Variants in PTPRD observed in about 807,000 individuals in gnomAD.
PTPRD encodes protein tyrosine phosphatase receptor type D.
A neutral mutation model predicts 214.5 loss-of-function variants in PTPRD; 34 were observed. The observed-to-expected ratio is 0.16, with a 90% CI of 0.12 to 0.21. The LOEUF is 0.21. Among genes scored for constraint, PTPRD ranks in the 10% least tolerant of loss-of-function variants. The probability of loss-of-function intolerance (pLI) is 1.00; values close to 1 mark genes in which losing one functional copy is unlikely to be tolerated. For synonymous variants in PTPRD, 1,128 were observed against 845.7 expected, an observed-to-expected ratio of 1.33 and a Z score of -5.79; for missense variants, 2,545 against 2,398.7, an observed-to-expected ratio of 1.06 and a Z score of -1.27.
At chr9:10,466,941 T>C (rs1176120227) in intron 2 of PTPRD, among the ~76,000 whole-genome samples, 2 of 152,188 alleles carry the variant, frequency 1.3e-5, no homozygotes, top group Non-Finnish European at 2.9e-5. Flanking sequence ...AGATGCTGAA[T>C]GTCCAGAGGA....
At chr9:10,529,897 C>T (rs931060840) in intron 2 of PTPRD, among the ~76,000 whole-genome samples, 5 of 151,688 alleles carry the variant, frequency 3.3e-5, no homozygotes, top group Non-Finnish European at 7.4e-5. Context: ...CACACTGGGG[C>T]CTGTCTTGGG....
At position 8,923,897 on chromosome 9, in the gene PTPRD, A is replaced by C. The variant is rs542423261; in HGVS notation, c.-104+94800T>G. On this transcript the variant is annotated intron_variant, in intron 11 of 45. Transcript: ENST00000381196. ...CCTTTTTGAGCAAAGCATTGTAAAA[A>C]TTGGAAAATGCAGTCTATATTTGAA... Among the ~76,000 whole-genome samples the C allele has an allele frequency of 2.0e-5, 3 of 152,308 alleles. No individual in the cohort carries two copies. The South Asian group carries it at 6.2e-4, about 32-fold the overall frequency.
chr9:9,983,698 G>A (rs953825289), intron 4 of PTPRD, among the ~76,000 whole-genome samples: 9 of 152,244 alleles, frequency 5.9e-5, no homozygotes, highest in African/African-American at 2.2e-4. Flanking sequence ...ATAAATAACT[G>A]CAACATACTT....
intron 8 of PTPRD, among the ~76,000 whole-genome samples, chr9:9,519,928 T>A (rs1473146990): frequency 6.6e-6 from 1 of 152,052 alleles, no homozygotes; most frequent in African/African-American, 2.4e-5. Flanking sequence ...AAAGTTACTG[T>A]CATGAAGACA....
chr9:9,947,346 A>T (rs866052141), intron 4 of PTPRD, among the ~76,000 whole-genome samples: 32 of 43,596 alleles, frequency 7.3e-4, no homozygotes, highest in East Asian at 3.1e-3. Flanking sequence ...TTATATATAT[A>T]ATATATATTA....
chr9:10,556,251 G>A (rs192147094), intron 2 of PTPRD, among the ~76,000 whole-genome samples: 17 of 151,790 alleles, frequency 1.1e-4, no homozygotes, highest in Admixed American at 9.9e-4. Flanking sequence ...CAATATAATA[G>A]CTATACAAAA....
At position 8,599,727 on chromosome 9, in the gene PTPRD, C is replaced by T. The variant is rs975417536; in HGVS notation, c.352+33590G>A. Among the ~76,000 whole-genome samples, 6 of 150,896 alleles carry T rather than the reference C, an allele frequency of 4.0e-5. No homozygotes were observed. The South Asian group carries it at 1.3e-3, about 32-fold the overall frequency. ...CGCCTCCTGGGTTGAAGCGATTCTC[C>T]TGCTTCAGCCTCCTTGAGTAGCTGG... On this transcript the variant is annotated intron_variant, in intron 14 of 45. Coordinates refer to ENST00000381196, the MANE Select transcript of PTPRD (RefSeq NM_002839.4).
intron 5 of PTPRD, among the ~76,000 whole-genome samples, chr9:9,874,206 G>T (rs1035289912): frequency 1.3e-5 from 2 of 152,158 alleles, no homozygotes; most frequent in Non-Finnish European, 2.9e-5. Context: ...GGGCTGTGGA[G>T]TGAGACAGGA....
intron 8 of PTPRD, among the ~76,000 whole-genome samples, chr9:9,518,412 T>C (rs2096887295): frequency 6.6e-6 from 1 of 152,118 alleles, no homozygotes; most frequent in Admixed American, 6.6e-5. Context: ...AATGTATAGA[T>C]GTAGATGTGT....
chr9:9,689,751 T>A (rs1046268416), intron 7 of PTPRD, among the ~76,000 whole-genome samples: 2 of 151,984 alleles, frequency 1.3e-5, no homozygotes, highest in Admixed American at 6.6e-5. Context: ...TGTCTTTTTG[T>A]GTTTGGCTTA....
At chr9:10,434,358 T>G (rs1313184299) in intron 2 of PTPRD, among the ~76,000 whole-genome samples, 1 of 151,912 alleles carries the variant, frequency 6.6e-6, no homozygotes, top group Admixed American at 6.6e-5. Context: ...CTACAAAAAT[T>G]CAATGTTTCA....
chr9:9,284,480 T>C (rs1346547953), intron 9 of PTPRD, among the ~76,000 whole-genome samples: 1 of 151,620 alleles, frequency 6.6e-6, no homozygotes, highest in Non-Finnish European at 1.5e-5. Context: ...AGCAAAACAA[T>C]ATTAACTACT....
intron 12 of PTPRD, among the ~76,000 whole-genome samples, chr9:8,678,697 G>A (rs2154370580): frequency 6.6e-6 from 1 of 152,268 alleles, no homozygotes; most frequent in South Asian, 2.1e-4. Flanking sequence ...AAATGTTTCT[G>A]AAAGGCACTG....
chr9:8,766,353 G>A (rs778041564), intron 11 of PTPRD, among the ~76,000 whole-genome samples: 52 of 152,044 alleles, frequency 3.4e-4, no homozygotes, highest in Non-Finnish European at 6.0e-4. Flanking sequence ...CAGTGTCAGT[G>A]AGTAAGTATG....
chr9:9,663,102 G>A (rs1442099776), intron 7 of PTPRD, among the ~76,000 whole-genome samples: 2 of 151,462 alleles, frequency 1.3e-5, no homozygotes, highest in Non-Finnish European at 3.0e-5. Flanking sequence ...GCTGTTATGT[G>A]TGTGTTTATA....
intron 9 of PTPRD, among the ~76,000 whole-genome samples, chr9:9,242,484 A>G (rs2099970852): frequency 6.6e-6 from 1 of 152,104 alleles, no homozygotes; most frequent in South Asian, 2.1e-4. Flanking sequence ...AGGTACACCA[A>G]TCAGACGTAG....
intron 3 of PTPRD, among the ~76,000 whole-genome samples, chr9:10,276,748 C>A (rs1040207447): frequency 6.6e-6 from 1 of 152,068 alleles, no homozygotes; most frequent in African/African-American, 2.4e-5. Context: ...GAACAGAAGG[C>A]CAGGTAGTAG....
intron 11 of PTPRD, among the ~76,000 whole-genome samples, chr9:8,816,548 T>C (rs2096922736): frequency 6.6e-6 from 1 of 152,194 alleles, no homozygotes; most frequent in Admixed American, 6.5e-5. Context: ...CATGCAACCA[T>C]GTTGCCATGG....
intron 12 of PTPRD, chr9:8,713,789 G>A (rs971366165): frequency 1.0e-5 from 16 of 1,535,538 alleles, no homozygotes; most frequent in South Asian, 2.3e-5. Context: ...CGGGTCCTGC[G>A]CCTTCAGCAC....
Sources: allele counts gnomAD v4.1 joint callset (sites outside exome capture counted in the v4.1 genomes callset), GRCh38; gene constraint gnomAD v4.1.1; transcripts MANE v1.5; gene names NCBI Gene and HGNC (gene_info 2026-07-23, HGNC 2026-07-21).